The following RAD51B variants were observed in gnomAD, a reference collection of about 807,000 sequenced individuals.
RAD51B encodes the protein RAD51 paralog B, also known as DNA repair protein RAD51 homolog 2.
Under a neutral mutation model 42.2 loss-of-function variants are expected in RAD51B, and 38 were observed. That is an observed-to-expected ratio of 0.90 (90% confidence interval 0.70 to 1.18). The LOEUF is 1.18. Among genes scored for constraint, RAD51B ranks in the 50% most tolerant of loss-of-function variants. RAD51B has a pLI of 0.00. For synonymous variants in RAD51B, 154 were observed against 145.2 expected (o/e 1.06, Z -0.43); for missense variants, 373 against 400.7 (o/e 0.93, Z 0.59).
chr14:68,083,695 AG>A (rs1309577500), intron 7 of RAD51B, among the ~76,000 whole-genome samples: 2 of 152,238 alleles, frequency 1.3e-5, no homozygotes, highest in African/African-American at 2.4e-5. Flanking sequence ...ATTTCTTGAT[AG>A]AAAAAAAGTA....
chr14:68,513,435 C>G (rs904913222), intron 10 of RAD51B, among the ~76,000 whole-genome samples: 4 of 152,218 alleles, frequency 2.6e-5, no homozygotes, highest in African/African-American at 9.7e-5. Flanking sequence ...AAGCCCCAGC[C>G]AAATGGGCCA....
chr14:68,129,290 G>T (rs2077836985), intron 7 of RAD51B, among the ~76,000 whole-genome samples: 1 of 152,176 alleles, frequency 6.6e-6, no homozygotes, highest in African/African-American at 2.4e-5. Context: ...AACACTGATT[G>T]CTGAAACTGA....
chr14:68,596,229 T>TTC (rs1890993522), downstream of RAD51B, among the ~76,000 whole-genome samples: 1 of 152,210 alleles, frequency 6.6e-6, no homozygotes, highest in Non-Finnish European at 1.5e-5. Context: ...AAGGTTTTGT[T>TTC]TCTACCTGGC....
At chr14:67,888,606 A>G (rs564150286) in intron 7 of RAD51B, among the ~76,000 whole-genome samples, 1 of 152,198 alleles carries the variant, frequency 6.6e-6, no homozygotes, top group Non-Finnish European at 1.5e-5. Context: ...AAATATATAT[A>G]TATATTTGAA....
downstream of RAD51B, among the ~76,000 whole-genome samples, chr14:68,598,930 G>C (rs1312914896): frequency 6.6e-6 from 1 of 152,232 alleles, no homozygotes; most frequent in African/African-American, 2.4e-5. Context: ...AGTGCTGGAA[G>C]TTTGCCTCTT....
chr14:67,906,156 T>C (rs1055074632), intron 7 of RAD51B, among the ~76,000 whole-genome samples: 1 of 152,274 alleles, frequency 6.6e-6, no homozygotes, highest in Admixed American at 6.5e-5. Context: ...GAGTTGATCA[T>C]GTGGTTTTTG....
At chr14:68,484,680 A>G (rs1352043713) in intron 10 of RAD51B, among the ~76,000 whole-genome samples, 1 of 152,174 alleles carries the variant, frequency 6.6e-6, no homozygotes, top group Admixed American at 6.5e-5. Context: ...TTCATTGGGA[A>G]GAGGAGTCTC....
chr14:68,437,653 G>A (rs1051715275), intron 9 of RAD51B, among the ~76,000 whole-genome samples: 2 of 152,104 alleles, frequency 1.3e-5, no homozygotes, highest in Non-Finnish European at 2.9e-5. Context: ...GCCAAATGCT[G>A]GGAAAAGTAA....
At chr14:68,434,791 G>T (rs1453474596) in intron 9 of RAD51B, among the ~76,000 whole-genome samples, 3 of 152,154 alleles carry the variant, frequency 2.0e-5, no homozygotes, top group African/African-American at 7.2e-5. Flanking sequence ...GATGAACCCG[G>T]TACCTGAGTT....
chr14:68,516,539 AT>A (rs1886168272), intron 10 of RAD51B, among the ~76,000 whole-genome samples: 1 of 152,228 alleles, frequency 6.6e-6, no homozygotes, highest in African/African-American at 2.4e-5. Flanking sequence ...AAAGGGAGGA[AT>A]ATTTTAATAG....
At chr14:68,119,001 G>A (rs2077596984) in intron 7 of RAD51B, among the ~76,000 whole-genome samples, 2 of 151,928 alleles carry the variant, frequency 1.3e-5, no homozygotes. Flanking sequence ...CTGTCACCCA[G>A]GCTGGAGTGC....
intron 5 of RAD51B, among the ~76,000 whole-genome samples, chr14:67,866,271 A>G (rs1030245109): frequency 6.6e-6 from 1 of 152,256 alleles, no homozygotes; most frequent in Non-Finnish European, 1.5e-5. Context: ...TGGTTAAAAA[A>G]AAGAACAGAA....
At chr14:68,657,562 C>T (rs112553104) in intron 11 of RAD51B, among the ~76,000 whole-genome samples, 1 of 152,234 alleles carries the variant, frequency 6.6e-6, no homozygotes. Context: ...CTCATAGGAG[C>T]TGATAGTCCA....
chr14:67,821,992 CGTGTGT>C (rs138886330), intron 1 of RAD51B, among the ~76,000 whole-genome samples: 141 of 149,968 alleles, frequency 9.4e-4, no homozygotes, highest in Non-Finnish European at 1.4e-3. Flanking sequence ...ATTGTGTGTG[CGTGTGT>C]GTGTGTGTGA....
chr14:68,176,753 T>A (rs2078969216), intron 7 of RAD51B, among the ~76,000 whole-genome samples: 1 of 152,110 alleles, frequency 6.6e-6, no homozygotes, highest in Admixed American at 6.6e-5. Flanking sequence ...GTTCTAGAAA[T>A]TAAAGGTAAC....
chr14:68,672,043 A>AGTT (rs1016002312), intron 11 of RAD51B, among the ~76,000 whole-genome samples: 10 of 152,182 alleles, frequency 6.6e-5, no homozygotes, highest in African/African-American at 1.2e-4. Context: ...CAGAGAAGCT[A>AGTT]AACAATGTTC....
In RAD51B at chr14:68,159,380, G is replaced by A. The variant is rs144698964; in HGVS notation, c.757-132504G>A. 1.8e-3 allele frequency among the ~76,000 whole-genome samples: 278 copies of A among 152,236 alleles called. 1 individual carries two copies. The highest frequency in any genetic ancestry group is 3.7e-3 in the African/African-American group (154 of 41,552). On this transcript the variant is annotated intron_variant, in intron 7 of 10. Transcript: ENST00000471583. ...CTCACGCCTGTAATCCCAGCACTTT[G>A]GGAGGCTGCGGTGGGCGGATCATGA...
At chr14:67,947,523 A>G (rs1170487707) in intron 7 of RAD51B, among the ~76,000 whole-genome samples, 2 of 152,164 alleles carry the variant, frequency 1.3e-5, no homozygotes, top group East Asian at 3.8e-4. Flanking sequence ...TCATCTGTCT[A>G]TGTTTTCTTC....
chr14:67,850,268 C>T (rs1017066723), intron 4 of RAD51B, among the ~76,000 whole-genome samples: 6 of 152,212 alleles, frequency 3.9e-5, no homozygotes, highest in Non-Finnish European at 4.4e-5. Context: ...GGATGGATTA[C>T]AGACATGAGT....
Sources: allele counts gnomAD v4.1 joint callset (sites outside exome capture counted in the v4.1 genomes callset), GRCh38; gene constraint gnomAD v4.1.1; transcripts MANE v1.5; gene names NCBI Gene and HGNC (gene_info 2026-07-23, HGNC 2026-07-21).